QSOX2: variants seen among roughly 807,000 people sequenced by gnomAD.
The protein encoded by QSOX2 is quiescin sulfhydryl oxidase 2.
A neutral mutation model predicts 61.7 loss-of-function variants in QSOX2; 46 were observed. The ratio of observed to expected loss-of-function variants is 0.75; its 90% CI spans 0.59 to 0.95. The LOEUF (loss-of-function observed/expected upper bound fraction) is 0.95, where lower values mean the gene tolerates loss of function less well. Among genes scored for constraint, QSOX2 ranks in the 40% least tolerant of loss-of-function variants. QSOX2 has a pLI of 0.00. For missense variants in QSOX2, 879 were observed against 918.9 expected (o/e 0.96, Z 0.56); for synonymous variants, 383 against 388.4 (o/e 0.99, Z 0.16).
At chr9:136,218,227 G>A (rs921405141) in intron 8 of QSOX2, among the ~76,000 whole-genome samples, 6 of 152,156 alleles carry the variant, frequency 3.9e-5, no homozygotes, top group South Asian at 2.1e-4. Context: ...GGTGCTGAGC[G>A]TGAAGCTCCC....
At chr9:136,240,239 A>C (rs1437641786) in intron 1 of QSOX2, among the ~76,000 whole-genome samples, 2 of 152,242 alleles carry the variant, frequency 1.3e-5, no homozygotes, top group African/African-American at 4.8e-5. Context: ...TTGGGAAATA[A>C]TTAAGCTTCT....
intron 1 of QSOX2, among the ~76,000 whole-genome samples, chr9:136,242,234 C>T (rs576876173): frequency 6.6e-6 from 1 of 152,370 alleles, no homozygotes; most frequent in South Asian, 2.1e-4. Context: ...AAAAGCCAGT[C>T]AAGAGCTAAA....
In QSOX2 at chr9:136,209,848, G is replaced by A. The variant is rs1327839649; in HGVS notation, c.1550-573C>T. The stretch of plus-strand genomic sequence containing the variant: ...CTTTCCGGACTACAAATCCCTTCAA[G>A]ATCTCCAAAACTCGTTTCTGAAGTG... On this transcript the variant is annotated intron_variant, in intron 11 of 11. Transcript: ENST00000358701. This position sits in a 1 kb window ranked among gnomAD's most constrained non-coding sequence, Gnocchi z 5.6. 8.1e-6 allele frequency: 8 copies of A among 985,250 alleles called. No homozygotes were observed. The South Asian group carries it at 3.3e-4, about 40-fold the overall frequency. The allele number at this position is 985,250 out of a possible 1,614,324, so 61.0% of individuals were successfully genotyped here. A position where few individuals can be genotyped will look rare whatever the true frequency, so the allele number is the denominator to read the frequency against.
At chr9:136,244,562 A>G (rs1160207550) in intron 1 of QSOX2, among the ~76,000 whole-genome samples, 4 of 152,252 alleles carry the variant, frequency 2.6e-5, no homozygotes, top group Admixed American at 1.3e-4. Flanking sequence ...ATTTGAGGTT[A>G]GCACAACACA....
chr9:136,243,864 T>G (rs749340899), intron 1 of QSOX2, among the ~76,000 whole-genome samples: 46 of 152,202 alleles, frequency 3.0e-4, no homozygotes, highest in Non-Finnish European at 2.9e-5. Flanking sequence ...GGGAAGACAG[T>G]CAGCCTCACT....
chr9:136,241,917 C>A (rs1830436459), intron 1 of QSOX2, among the ~76,000 whole-genome samples: 1 of 152,186 alleles, frequency 6.6e-6, no homozygotes, highest in South Asian at 2.1e-4. Context: ...ACAGGCCCTG[C>A]CTTTAGGGTG....
chr9:136,208,258 TGGGGGGAGC>T lies in QSOX2; in HGVS notation c.*461_*469del, dbSNP rs1454054144. 2 of 8,000 alleles carry T rather than the reference TGGGGGGAGC, an allele frequency of 2.5e-4. No individual in the cohort carries two copies. Among genetic ancestry groups the T allele is most frequent in the Non-Finnish European group, 5.1e-4 (2 of 3,920 alleles). 0.5% of individuals were successfully genotyped at this position (8,000 alleles called of 1,614,324 possible). Reference sequence around the variant, plus strand: ...ACTTGGCAGCCTGGAGCAGGGGGCGTGGGGGGAGCGGGGGGAGGGGGAGCGAGGGGAGTG... The same window carrying T: ...ACTTGGCAGCCTGGAGCAGGGGGCGTGGGGGGAGGGGGAGCGAGGGGAGTG... On this transcript the variant is annotated 3_prime_UTR_variant, in exon 12 of 12. Transcript: ENST00000358701.
At position 136,207,364 on chromosome 9, in the gene QSOX2, T is replaced by TACACATACACAC. The variant is rs1191070854; in HGVS notation, c.*1363_*1364insGTGTGTATGTGT. 1 of 145,032 alleles carries TACACATACACAC rather than the reference T, an allele frequency of 6.9e-6. No individual in the cohort carries two copies. Among genetic ancestry groups the TACACATACACAC allele is most frequent in the African/African-American group, 2.6e-5 (1 of 38,436 alleles). The allele number at this position is 145,032 out of a possible 1,614,324, so 9.0% of individuals were successfully genotyped here. A position where few individuals can be genotyped will look rare whatever the true frequency, so the allele number is the denominator to read the frequency against. ...ACCGTCAAAGTCTCTCTCTCTCTCA[T>TACACATACACAC]ACACACACACACACACACACACACA... On this transcript the variant is annotated 3_prime_UTR_variant, in exon 12 of 12. Coordinates refer to ENST00000358701, the MANE Select transcript of QSOX2 (RefSeq NM_181701.4).
chr9:136,222,084 T>C lies in QSOX2; in HGVS notation c.676-143A>G. On this transcript the variant is annotated intron_variant, in intron 5 of 11. Transcript: ENST00000358701. The surrounding 1 kb of genome is among the most constrained non-coding windows in gnomAD (Gnocchi z 6.9). ...CCTGCAGGCAAGACCCTCACTCAAATCTTCACTCTCATTGCACTTTAAGGC... is the reference window on the plus strand; with the variant it reads ...CCTGCAGGCAAGACCCTCACTCAAACCTTCACTCTCATTGCACTTTAAGGC... 1 of 784,610 alleles carries C rather than the reference T, an allele frequency of 1.3e-6. No homozygotes were observed. The highest frequency in any genetic ancestry group is 1.8e-6 in the Non-Finnish European group (1 of 546,378). The allele number at this position is 784,610 out of a possible 1,614,324, so 48.6% of individuals were successfully genotyped here.
At chr9:136,228,154 G>A (rs1376224193) in intron 1 of QSOX2, among the ~76,000 whole-genome samples, 1 of 152,138 alleles carries the variant, frequency 6.6e-6, no homozygotes, top group African/African-American at 2.4e-5. Flanking sequence ...TACTTTGTAG[G>A]TAGTGGAACA....
chr9:136,227,008 G>A (rs1337486456), intron 1 of QSOX2, 134 bp from the exon 2 acceptor site: 15 of 698,940 alleles, frequency 2.1e-5, no homozygotes, highest in Middle Eastern at 2.7e-4. Flanking sequence ...CATCAGTTAG[G>A]CCCTCATCAC....
chr9:136,211,337 G>C lies in QSOX2; in HGVS notation c.1476C>G (p.Asp492Glu), dbSNP rs1398661329. 2 of 1,614,102 alleles carry C rather than the reference G, an allele frequency of 1.2e-6. No homozygotes were observed. Among genetic ancestry groups the C allele is most frequent in the African/African-American group, 2.7e-5 (2 of 74,930 alleles). The change falls in exon 11 of 12, where the codon GAC becomes GAG. Residue 492 changes from aspartate to glutamate, a missense_variant. Asp to Glu is a conservative substitution (Grantham distance 45). Transcript: ENST00000358701. ...HFEEMAKESM[D>E]SVKTPDQAIL... Reference sequence around the variant, plus strand: ...TGGCTTGGTCTGGGGTTTTCACCGAGTCCATGGATTCTTTAGCCATTTCCT... The same window carrying C: ...TGGCTTGGTCTGGGGTTTTCACCGACTCCATGGATTCTTTAGCCATTTCCT...
chr9:136,237,369 C>A (rs1330634695), intron 1 of QSOX2, among the ~76,000 whole-genome samples: 1 of 139,016 alleles, frequency 7.2e-6, no homozygotes, highest in African/African-American at 2.7e-5. Flanking sequence ...CTGTGCCACA[C>A]CTGGAGCCCA....
rs73560725 is a variant in QSOX2 at position 136,236,195 on chromosome 9, T to C, written c.328+9281A>G. Among the ~76,000 whole-genome samples, 437 of 152,298 alleles carry C rather than the reference T, an allele frequency of 2.9e-3. 1 individual carries two copies. The highest frequency in any genetic ancestry group is 6.7e-3 in the African/African-American group (279 of 41,576). On this transcript the variant is annotated intron_variant, in intron 1 of 11. Coordinates refer to ENST00000358701, the MANE Select transcript of QSOX2 (RefSeq NM_181701.4). Reference sequence around the variant, plus strand: ...GACCCTCCACCTCCTCCCCACTCCCTGCTCCGCACAGAGAGCCAGGTAGAC... The same window carrying C: ...GACCCTCCACCTCCTCCCCACTCCCCGCTCCGCACAGAGAGCCAGGTAGAC...
chr9:136,239,431 G>C lies in QSOX2; in HGVS notation c.328+6045C>G, dbSNP rs559778044. On this transcript the variant is annotated intron_variant, in intron 1 of 11. Coordinates refer to ENST00000358701, the MANE Select transcript of QSOX2 (RefSeq NM_181701.4). The stretch of plus-strand genomic sequence containing the variant: ...GATTACAGGCGGGAGCCACTGCCCC[G>C]GCCACTTCCTTGTTTTATTTGTCTT... Among the ~76,000 whole-genome samples the C allele has an allele frequency of 1.8e-4, 27 of 152,284 alleles. No homozygotes were observed. The East Asian group carries it at 5.2e-3, about 29-fold the overall frequency.
rs1831810794 is a variant in QSOX2, at chr9:136,208,911, C to A, written c.1914G>T (p.Gly638=). 6.2e-7 allele frequency: 1 copy of A among 1,613,806 alleles called. No homozygotes were observed. Among genetic ancestry groups the A allele is most frequent in the African/African-American group, 1.3e-5 (1 of 74,914 alleles). The change falls in exon 12 of 12, where the codon GGG becomes GGT. Residue 638 remains glycine (G), a synonymous_variant. Coordinates refer to ENST00000358701, the MANE Select transcript of QSOX2 (RefSeq NM_181701.4). ...SLDGKLQSLD[G]PGAHKEVGGA... ...CGCCCACCTCCTTGTGGGCCCCGGG[C>A]CCATCCAGACTCTGGAGTTTCCCGT...
At chr9:136,214,419 G>A (rs746721624) in intron 10 of QSOX2, among the ~76,000 whole-genome samples, 2 of 152,188 alleles carry the variant, frequency 1.3e-5, no homozygotes, top group African/African-American at 2.4e-5. Context: ...CAGAGGTGAT[G>A]GAATATCATC....
At chr9:136,224,820 G>C (rs78475959) in intron 3 of QSOX2, 41 bp downstream of exon 3, 1 of 1,426,524 alleles carries the variant, frequency 7.0e-7, no homozygotes, top group Non-Finnish European at 9.8e-7. Context: ...AGGTTTATGA[G>C]GGGAATCTCA....
In QSOX2 at chr9:136,221,261, T is replaced by TC. The variant is rs1245568135; in HGVS notation, c.821+534dup. Among the ~76,000 whole-genome samples, 1 of 149,924 alleles carries TC rather than the reference T, an allele frequency of 6.7e-6. No homozygotes were observed. Among genetic ancestry groups the TC allele is most frequent in the Non-Finnish European group, 1.5e-5 (1 of 67,562 alleles). ...CCACGCAGGGGCGAAGGGCTTATCC[T>TC]CATGAGGGGCACACGGGCACCCCAC... On this transcript the variant is annotated intron_variant, in intron 6 of 11. Transcript: ENST00000358701. This position sits in a 1 kb window ranked among gnomAD's most constrained non-coding sequence, Gnocchi z 4.5.
Sources: gnomAD v4.1 joint callset for allele counts (sites outside exome capture counted in the v4.1 genomes callset) on GRCh38, gnomAD v4.1.1 for gene constraint, Gnocchi (gnomAD v3.1) non-coding constraint, MANE v1.5 for transcripts, NCBI Gene and HGNC (gene_info 2026-07-23, HGNC 2026-07-21) for gene names.